Variants in NEXMIF observed in about 807,000 individuals in gnomAD.
NEXMIF encodes the protein neurite extension and migration factor, also known as XLMR protein related to neurite extension.
Under a neutral mutation model 62.1 loss-of-function variants are expected in NEXMIF, and 8 were observed. That is an observed-to-expected ratio of 0.13 (90% CI 0.08 to 0.23). The LOEUF (loss-of-function observed/expected upper bound fraction) is 0.23. NEXMIF is among the 10% of genes least tolerant of loss of function. NEXMIF has a pLI of 1.00. For synonymous variants in NEXMIF, 404 were observed against 416.6 expected (o/e 0.97, Z 0.37); for missense variants, 976 against 1,113.3 (o/e 0.88, Z 1.75).
At chrX:74,881,235 C>A (rs978919368) in intron 1 of NEXMIF, among the ~76,000 whole-genome samples, 13 of 111,240 alleles carry the variant, frequency 1.2e-4, no homozygotes, top group African/African-American at 4.3e-4. Context: ...GTACCTACAA[C>A]CTTTGGGGAG....
At position 74,743,481 on chromosome X, in the gene NEXMIF, C is replaced by A; in HGVS notation, c.1076G>T (p.Ser359Ile). ...AGGGACCTTGAATTGGGAAAAATCA[C>A]TGCTCTGCTTCAGGGCCCCACTCTT... is the stretch of plus-strand genomic sequence containing the variant. ...ESKSGALKQS[S>I]DFSQFKVPDV... is the part of the protein sequence containing the mutation. Residue 359 changes from serine (S) to isoleucine (I), a missense_variant, in exon 3 of 4, where the codon AGT becomes ATT. By Grantham distance (142) the Ser-to-Ile change is moderately radical. This residue lies in a region of NEXMIF where 639 missense variants were observed against 694.5 expected (regional missense o/e 0.92). Transcript: ENST00000055682. 8.3e-7 allele frequency: 1 copy of A among 1,211,821 alleles called. No homozygotes were observed. The highest frequency in any genetic ancestry group is 1.1e-6 in the Non-Finnish European group (1 of 895,582).
In NEXMIF at chrX:74,756,293, T is replaced by C. The variant is rs139317824; in HGVS notation, c.-47-10596A>G. On this transcript the variant is annotated intron_variant, in intron 1 of 3. Coordinates refer to ENST00000055682, the MANE Select transcript of NEXMIF (RefSeq NM_001008537.3). ...TTAATTTTTGTGGGTACATGATAGTTATTGGCTACTTATATATGGGGAAAG... is the reference window on the plus strand; with the variant it reads ...TTAATTTTTGTGGGTACATGATAGTCATTGGCTACTTATATATGGGGAAAG... Among the ~76,000 whole-genome samples, 38 of 112,218 alleles carry C rather than the reference T, an allele frequency of 3.4e-4. 1 individual carries two copies. The highest frequency in any genetic ancestry group is 1.1e-3 in the African/African-American group (35 of 30,876).
At chrX:74,804,906 A>C (rs1409940744) in intron 1 of NEXMIF, among the ~76,000 whole-genome samples, 1 of 112,010 alleles carries the variant, frequency 8.9e-6, no homozygotes, top group African/African-American at 3.2e-5. Flanking sequence ...GGCTTGCTGG[A>C]ACTCAAGTTC....
intron 1 of NEXMIF, among the ~76,000 whole-genome samples, chrX:74,888,105 C>G (rs760596385): frequency 1.8e-5 from 2 of 108,959 alleles, no homozygotes; most frequent in African/African-American, 6.7e-5. Flanking sequence ...CACATGGACA[C>G]AGGAAGGGGA....
chrX:74,752,250 T>C (rs1221146213), intron 1 of NEXMIF, among the ~76,000 whole-genome samples: 1 of 111,989 alleles, frequency 8.9e-6, no homozygotes, highest in East Asian at 2.8e-4. Flanking sequence ...TGTCCTTTCC[T>C]GTATGCCTCT....
chrX:74,743,845 C>T lies in NEXMIF; in HGVS notation c.712G>A (p.Ala238Thr). Residue 238 changes from alanine (A) to threonine (T), a missense_variant, in exon 3 of 4, where the codon GCA (alanine) becomes ACA (threonine). Around this residue, in one of 5 missense-constraint regions of NEXMIF, gnomAD observed 45 missense variants for 86.8 expected, o/e 0.52. Coordinates refer to ENST00000055682, the MANE Select transcript of NEXMIF (RefSeq NM_001008537.3). ...EDPAQKSYYE[A>T]LLLDKCNTEE... Reference sequence around the variant, plus strand: ...GTATTGCACTTGTCTAACAGTAATGCCTCATAATAGCTTTTCTGAGCCGGA... The same window carrying T: ...GTATTGCACTTGTCTAACAGTAATGTCTCATAATAGCTTTTCTGAGCCGGA... The T allele has an allele frequency of 1.7e-6, 2 of 1,211,404 alleles. No homozygotes were observed. Among genetic ancestry groups the T allele is most frequent in the Non-Finnish European group, 2.2e-6 (2 of 895,373 alleles).
chrX:74,740,037 G>A (rs1322903207), intron 3 of NEXMIF, 63 bp downstream of exon 3: 12 of 1,032,757 alleles, frequency 1.2e-5, no homozygotes, highest in African/African-American at 3.8e-5. Flanking sequence ...GAGGGACTGC[G>A]GGCTTAGTAG....
At chrX:74,887,900 T>C (rs2080702293) in intron 1 of NEXMIF, among the ~76,000 whole-genome samples, 1 of 112,230 alleles carries the variant, frequency 8.9e-6, no homozygotes, top group Non-Finnish European at 1.9e-5. Context: ...CCAACCCAAA[T>C]GTCCAACAAT....
chrX:74,760,844 T>TTATG (rs1246839985), intron 1 of NEXMIF, among the ~76,000 whole-genome samples: 1 of 5,697 alleles, frequency 1.8e-4, no homozygotes, highest in East Asian at 6.3e-3. Context: ...GCCCTAAGAT[T>TTATG]TATTTATTTA....
At chrX:74,808,626 C>G (rs903160636) in intron 1 of NEXMIF, among the ~76,000 whole-genome samples, 1 of 111,862 alleles carries the variant, frequency 8.9e-6, no homozygotes, top group Non-Finnish European at 1.9e-5. Flanking sequence ...TTTCTGGAAG[C>G]GATTACAGAG....
In NEXMIF at chrX:74,741,847, C is replaced by A. The variant is rs771107937; in HGVS notation, c.2710G>T (p.Val904Phe). ...TSGTQEFMAEVSREIAPTQSS... is the reference protein window; with the variant it reads ...TSGTQEFMAEFSREIAPTQSS... Reference sequence around the variant, plus strand: ...TGGGTTGGGGCTATCTCCCTTGAGACTTCAGCCATGAATTCCTGGGTGCCA... The same window carrying A: ...TGGGTTGGGGCTATCTCCCTTGAGAATTCAGCCATGAATTCCTGGGTGCCA... The change falls in exon 3 of 4, where the codon GTC becomes TTC. Residue 904 changes from valine to phenylalanine, a missense_variant. By Grantham distance (50) the Val-to-Phe change is conservative. Around this residue, in one of 5 missense-constraint regions of NEXMIF, gnomAD observed 639 missense variants for 694.5 expected, o/e 0.92. Transcript: ENST00000055682. 6 of 1,212,008 alleles carry A rather than the reference C, an allele frequency of 5.0e-6. No homozygotes were observed. The highest frequency in any genetic ancestry group is 2.2e-5 in the Admixed American group (1 of 46,059).
intron 1 of NEXMIF, among the ~76,000 whole-genome samples, chrX:74,784,866 T>C (rs1445125510): frequency 1.8e-5 from 2 of 111,023 alleles, no homozygotes; most frequent in African/African-American, 3.3e-5. Flanking sequence ...AAAAATATGA[T>C]TTATGGTGAA....
rs1260680005 is a variant in NEXMIF at position 74,740,521 on chromosome X, C to T, written c.4036G>A (p.Glu1346Lys). The T allele has an allele frequency of 8.3e-7, 1 of 1,209,633 alleles. No homozygotes were observed. The highest frequency in any genetic ancestry group is 1.1e-6 in the Non-Finnish European group (1 of 895,012). Residue 1346 changes from glutamate to lysine, a missense_variant, in exon 3 of 4, where the codon GAG (glutamate) becomes AAG (lysine). This residue lies in a region of NEXMIF where 29 missense variants were observed against 56.5 expected (regional missense o/e 0.51). Transcript: ENST00000055682. ...ASIEPLWEPM[E>K]HHGDPNIFYS... Reference sequence around the variant, plus strand: ...AATATGTTGGGATCCCCATGGTGCTCCATGGGTTCCCAAAGGGGCTCTATG... The same window carrying T: ...AATATGTTGGGATCCCCATGGTGCTTCATGGGTTCCCAAAGGGGCTCTATG...
chrX:74,751,064 C>T lies in NEXMIF; in HGVS notation c.-47-5367G>A, dbSNP rs975257001. The stretch of plus-strand genomic sequence containing the variant: ...GCAACATGGGGAAACCCCGTCTCTA[C>T]AAAAAATACAAAAACATTAGCCGGG... On this transcript the variant is annotated intron_variant, in intron 1 of 3. Transcript: ENST00000055682. 3.2e-4 allele frequency among the ~76,000 whole-genome samples: 35 copies of T among 110,756 alleles called. 1 individual carries two copies. Among genetic ancestry groups the T allele is most frequent in the African/African-American group, 1.1e-3 (34 of 30,438 alleles).
chrX:74,795,382 A>C (rs767417291), intron 1 of NEXMIF, among the ~76,000 whole-genome samples: 1 of 112,632 alleles, frequency 8.9e-6, no homozygotes, highest in African/African-American at 3.2e-5. Flanking sequence ...CTATTGATTC[A>C]CACAACATGA....
Position 74,739,214 on chromosome X carries a change from T to G in NEXMIF, c.*191A>C. 2.9e-6 allele frequency: 1 copy of G among 345,188 alleles called. No homozygotes were observed. The highest frequency in any genetic ancestry group is 5.0e-6 in the Non-Finnish European group (1 of 201,730). 28.4% of individuals were successfully genotyped at this position (345,188 alleles called of 1,213,427 possible). On this transcript the variant is annotated 3_prime_UTR_variant, in exon 4 of 4. Coordinates refer to ENST00000055682, the MANE Select transcript of NEXMIF (RefSeq NM_001008537.3). Reference sequence around the variant, plus strand: ...TGTAGTTTGGCACAATGTTTTCAATTTTTTCCTTGTGGGTAAATAGTGCAT... The same window carrying G: ...TGTAGTTTGGCACAATGTTTTCAATGTTTTCCTTGTGGGTAAATAGTGCAT...
At chrX:74,824,655 T>C (rs2080408500) in intron 1 of NEXMIF, among the ~76,000 whole-genome samples, 1 of 108,517 alleles carries the variant, frequency 9.2e-6, no homozygotes, top group Non-Finnish European at 1.9e-5. Flanking sequence ...GCTTTTAGTT[T>C]TTTTTTTTTT....
At chrX:74,851,826 A>G (rs2080514759) in intron 1 of NEXMIF, among the ~76,000 whole-genome samples, 1 of 111,813 alleles carries the variant, frequency 8.9e-6, no homozygotes, top group Non-Finnish European at 1.9e-5. Context: ...ACAAACAAGG[A>G]CAAAAAAGGA....
At chrX:74,910,434 ACC>A (rs1471684485) in intron 1 of NEXMIF, among the ~76,000 whole-genome samples, 1 of 111,593 alleles carries the variant, frequency 9.0e-6, no homozygotes, top group Non-Finnish European at 1.9e-5. Context: ...AGATGTATTT[ACC>A]CAATACCTGT....
Sources: allele counts gnomAD v4.1 joint callset (sites outside exome capture counted in the v4.1 genomes callset), GRCh38; gene constraint gnomAD v4.1.1; regional missense constraint gnomAD v4.1.1; transcripts MANE v1.5; gene names NCBI Gene and HGNC (gene_info 2026-07-23, HGNC 2026-07-21).